DDX46: variants seen among roughly 807,000 people sequenced by gnomAD.
The protein encoded by DDX46 is DEAD-box helicase 46.
A neutral mutation model predicts 134.9 loss-of-function variants in DDX46; 30 were observed. The ratio of observed to expected loss-of-function variants is 0.22; its 90% CI spans 0.17 to 0.30. The LOEUF (loss-of-function observed/expected upper bound fraction) is 0.30, where lower values mean the gene tolerates loss of function less well. Ranked by LOEUF, DDX46 falls within the 10% of genes least tolerant of loss-of-function variation. The probability of loss-of-function intolerance (pLI) is 1.00; values close to 1 mark genes in which losing one functional copy is unlikely to be tolerated. For missense variants in DDX46, 622 were observed against 1,248.7 expected, an observed-to-expected ratio of 0.50 and a Z score of 7.56; for synonymous variants, 415 against 404.1, an observed-to-expected ratio of 1.03 and a Z score of -0.32.
chr5:134,789,656 T>G (rs1393345346), intron 12 of DDX46, among the ~76,000 whole-genome samples: 9 of 152,202 alleles, frequency 5.9e-5, no homozygotes, highest in Non-Finnish European at 1.3e-4. Flanking sequence ...ATTTTACCTT[T>G]TTCTCTTATC....
At chr5:134,778,634 C>T (rs1036529241) in intron 6 of DDX46, among the ~76,000 whole-genome samples, 3 of 151,946 alleles carry the variant, frequency 2.0e-5, no homozygotes, top group Admixed American at 6.6e-5. Context: ...AGTGCAGTGG[C>T]GCAATCTTGG....
intron 18 of DDX46, among the ~76,000 whole-genome samples, chr5:134,816,032 T>TTTCA (rs138853284): frequency 0.022 from 3,306 of 152,310 alleles, 59 homozygotes; most frequent in Non-Finnish European, 0.032. Context: ...TTCCAGCCTG[T>TTTCA]TTCATTGCAG....
intron 1 of DDX46, among the ~76,000 whole-genome samples, chr5:134,760,878 T>C (rs1301577910): frequency 1.3e-5 from 2 of 152,054 alleles, no homozygotes; most frequent in Non-Finnish European, 2.9e-5. Flanking sequence ...TACAGGCGCC[T>C]GCCACCGCGT....
At position 134,788,573 on chromosome 5, in the gene DDX46, A is replaced by G. The variant is rs1285633196; in HGVS notation, c.1525A>G (p.Met509Val). The change falls in exon 12 of 23, where the codon ATG becomes GTG. Residue 509 changes from methionine (M) to valine (V), a missense_variant. By Grantham distance (21) the Met-to-Val change is conservative. Coordinates refer to ENST00000452510, the MANE Select transcript of DDX46 (RefSeq NM_001300860.2). ...IVCTPGRMID[M>V]LAANSGRVTN... Reference sequence around the variant, plus strand: ...TTGCACACCTGGTCGAATGATTGACATGTTAGCCGCTAACAGTGGTAAGTC... The same window carrying G: ...TTGCACACCTGGTCGAATGATTGACGTGTTAGCCGCTAACAGTGGTAAGTC... 6.2e-7 allele frequency: 1 copy of G among 1,613,938 alleles called. No individual in the cohort carries two copies. The highest frequency in any genetic ancestry group is 8.5e-7 in the Non-Finnish European group (1 of 1,179,968).
At chr5:134,778,462 A>G (rs1754018223) in intron 6 of DDX46, among the ~76,000 whole-genome samples, 2 of 152,006 alleles carry the variant, frequency 1.3e-5, no homozygotes, top group African/African-American at 4.8e-5. Context: ...CTCTAAGGGC[A>G]GTGACTTTTA....
chr5:134,808,445 T>C (rs1580811206), intron 16 of DDX46, among the ~76,000 whole-genome samples: 1 of 152,166 alleles, frequency 6.6e-6, no homozygotes, highest in East Asian at 1.9e-4. Context: ...GTACTGGAAG[T>C]GAAAAACTGG....
chr5:134,783,795 C>T (rs573107503), intron 9 of DDX46, among the ~76,000 whole-genome samples: 14 of 150,866 alleles, frequency 9.3e-5, no homozygotes, highest in African/African-American at 2.9e-4. Context: ...ATGATCCACC[C>T]GCTGCGGCCT....
chr5:134,794,829 G>A lies in DDX46; in HGVS notation c.1627-21G>A, dbSNP rs756244842. 8 of 1,612,008 alleles carry A rather than the reference G, an allele frequency of 5.0e-6. No homozygotes were observed. In the Admixed American group the frequency reaches 8.4e-5, roughly 17 times the overall value. ...AAGACCATATTTACCATATTTATTTGTAATGTTTTCTTTTTCTCAGGTCAT... is the reference window on the plus strand; with the variant it reads ...AAGACCATATTTACCATATTTATTTATAATGTTTTCTTTTTCTCAGGTCAT... On this transcript the variant is annotated intron_variant, in intron 13 of 22. Transcript: ENST00000452510.
intron 12 of DDX46, chr5:134,789,312 A>G (rs1379257848): frequency 1.3e-5 from 2 of 152,228 alleles, no homozygotes; most frequent in African/African-American, 4.8e-5. Flanking sequence ...AATTGGGGCT[A>G]CAAATGCTAG....
In DDX46 at chr5:134,780,096, ATATGTGTGTG is replaced by A. The variant is rs758173225; in HGVS notation, c.766-1035_766-1026del. On this transcript the variant is annotated intron_variant, in intron 6 of 22. Transcript: ENST00000452510. Reference sequence around the variant, plus strand: ...GAATAAGACTCAGTCTGAAAAAAATATATGTGTGTGTGTGTGTGTGTGTGTGTGTGTGTGT... The same window carrying A: ...GAATAAGACTCAGTCTGAAAAAAATATGTGTGTGTGTGTGTGTGTGTGTGT... Among the ~76,000 whole-genome samples the A allele has an allele frequency of 8.4e-3, 1,037 of 123,500 alleles. 8 individuals are homozygous for A. Among genetic ancestry groups the A allele is most frequent in the African/African-American group, 0.031 (959 of 30,916 alleles). The allele number at this position is 123,500 out of a possible 152,430, so 81.0% of individuals were successfully genotyped here.
intron 6 of DDX46, among the ~76,000 whole-genome samples, chr5:134,780,421 C>T (rs990633458): frequency 2.7e-5 from 4 of 150,094 alleles, no homozygotes; most frequent in African/African-American, 4.9e-5. Flanking sequence ...AAAAATTAGC[C>T]GGACTAGTGG....
chr5:134,813,501 A>T (rs962225587), intron 18 of DDX46, among the ~76,000 whole-genome samples: 13 of 152,188 alleles, frequency 8.5e-5, no homozygotes, highest in African/African-American at 3.1e-4. Context: ...GTCCTTACCC[A>T]CATGGCAGCT....
At chr5:134,769,326 G>GTT (rs1561851828) in intron 3 of DDX46, among the ~76,000 whole-genome samples, 4 of 135,340 alleles carry the variant, frequency 3.0e-5, no homozygotes, top group African/African-American at 8.7e-5. Flanking sequence ...ATATTTTCAA[G>GTT]GTTTTTTTTT....
intron 15 of DDX46, among the ~76,000 whole-genome samples, chr5:134,799,103 A>C (rs890909106): frequency 6.6e-6 from 1 of 152,138 alleles, no homozygotes; most frequent in African/African-American, 2.4e-5. Context: ...TGAGCATCCT[A>C]GGATTTTGGT....
In DDX46 at chr5:134,829,434, T is replaced by C. The variant is rs1755677236; in HGVS notation, c.*728T>C. The C allele has an allele frequency of 6.6e-6, 1 of 152,130 alleles. No homozygotes were observed. Among genetic ancestry groups the C allele is most frequent in the African/African-American group, 2.4e-5 (1 of 41,420 alleles). The allele number at this position is 152,130 out of a possible 1,614,324, so 9.4% of individuals were successfully genotyped here. On this transcript the variant is annotated 3_prime_UTR_variant, in exon 23 of 23. Transcript: ENST00000452510. ...TTATAATCTTCCTTAAAAGAAAGAG[T>C]GTAGCCTATAAATACTAAATATGAT...
At chr5:134,759,061 T>C in intron 1 of DDX46, 106 bp downstream of exon 1, 5 of 1,525,670 alleles carry the variant, frequency 3.3e-6, no homozygotes, top group Non-Finnish European at 4.4e-6. Context: ...CGGCCCCACG[T>C]GCGGTCAGCG....
In DDX46 at chr5:134,797,894, C is replaced by T. The variant is rs565728578; in HGVS notation, c.1954+1744C>T. 7.2e-5 allele frequency among the ~76,000 whole-genome samples: 11 copies of T among 151,918 alleles called. No homozygotes were observed. The South Asian group carries it at 1.7e-3, about 23-fold the overall frequency. ...ATGGCGCAATCCTGGCTCACTGCAACCTCCGCCTCCCACGTTCAAGTGATT... is the reference window on the plus strand; with the variant it reads ...ATGGCGCAATCCTGGCTCACTGCAATCTCCGCCTCCCACGTTCAAGTGATT... On this transcript the variant is annotated intron_variant, in intron 15 of 22. Coordinates refer to ENST00000452510, the MANE Select transcript of DDX46 (RefSeq NM_001300860.2).
intron 15 of DDX46, among the ~76,000 whole-genome samples, chr5:134,800,734 G>T (rs1754800795): frequency 6.6e-6 from 1 of 152,158 alleles, no homozygotes; most frequent in Admixed American, 6.5e-5. Context: ...GTAGTGCAAT[G>T]ATGCCATCTC....
rs973539050 is a variant in DDX46, at chr5:134,758,809, C to T, written c.-130C>T. ...TTCGTTGGCCGCGCTGGGATGGCCG[C>T]CACAGCTGTAGGTGCTGCTAGTGTT... On this transcript the variant is annotated 5_prime_UTR_variant, in exon 1 of 23. Coordinates refer to ENST00000452510, the MANE Select transcript of DDX46 (RefSeq NM_001300860.2). 8.3e-6 allele frequency: 12 copies of T among 1,446,296 alleles called. No individual in the cohort carries two copies. The highest frequency in any genetic ancestry group is 1.2e-5 in the Non-Finnish European group (12 of 1,041,648). The allele number at this position is 1,446,296 out of a possible 1,614,324, so 89.6% of individuals were successfully genotyped here. A position where few individuals can be genotyped will look rare whatever the true frequency, so the allele number is the denominator to read the frequency against.
Sources: gnomAD v4.1 joint callset for allele counts (sites outside exome capture counted in the v4.1 genomes callset) on GRCh38, gnomAD v4.1.1 for gene constraint, MANE v1.5 for transcripts, NCBI Gene and HGNC (gene_info 2026-07-23, HGNC 2026-07-21) for gene names.